UBE2D2: variants seen among roughly 807,000 people sequenced by gnomAD.
UBE2D2 encodes the protein ubiquitin-conjugating enzyme E2 D2.
Under a neutral mutation model 24.2 loss-of-function variants are expected in UBE2D2, and 2 were observed. The ratio of observed to expected loss-of-function variants is 0.08; its 90% CI spans 0.03 to 0.26. UBE2D2 has a LOEUF of 0.26. Among genes scored for constraint, UBE2D2 ranks in the 10% least tolerant of loss-of-function variants. The pLI, the probability that UBE2D2 is intolerant of heterozygous loss-of-function variation, is 1.00. For synonymous variants in UBE2D2, 58 were observed against 56.5 expected (o/e 1.03, Z -0.12); for missense variants, 44 against 177.6 (o/e 0.25, Z 4.28).
chr5:139,596,420 G>C (rs1391024716), intron 1 of UBE2D2, among the ~76,000 whole-genome samples: 1 of 150,972 alleles, frequency 6.6e-6, no homozygotes, highest in Admixed American at 6.6e-5. Context: ...CAGCCTCCCC[G>C]GTAAATGGGA....
chr5:139,548,193 A>AAAAAAAAAAATAAT, intron 1 of UBE2D2, among the ~76,000 whole-genome samples: 1 of 47,104 alleles, frequency 2.1e-5, no homozygotes, highest in Non-Finnish European at 3.8e-5. Context: ...ATAAAAAAAA[A>AAAAAAAAAAATAAT]AAATAAATAA....
At chr5:139,550,678 C>T (rs184495655) in intron 1 of UBE2D2, among the ~76,000 whole-genome samples, 4 of 150,984 alleles carry the variant, frequency 2.6e-5, no homozygotes, top group East Asian at 2.0e-4. Flanking sequence ...TCTGCAGCCT[C>T]AATCCTGAGG....
intron 1 of UBE2D2, among the ~76,000 whole-genome samples, chr5:139,594,487 C>T (rs999517837): frequency 6.6e-6 from 1 of 151,926 alleles, no homozygotes; most frequent in African/African-American, 2.4e-5. Context: ...GATCTCTGCT[C>T]ACTGTGGCCT....
chr5:139,625,204 C>A (rs1754590796), intron 6 of UBE2D2, among the ~76,000 whole-genome samples: 1 of 151,294 alleles, frequency 6.6e-6, no homozygotes. Context: ...ACTGCTAGTA[C>A]ATGCCACTAC....
chr5:139,555,924 CAAAAAAAAAAAAAA>C (rs1168084041), intron 1 of UBE2D2, among the ~76,000 whole-genome samples: 59 of 9,326 alleles, frequency 6.3e-3, no homozygotes, highest in Middle Eastern at 0.038. Context: ...GACTCCATCT[CAAAAAAAAAAAAAA>C]AAAAAAAAAA....
At chr5:139,553,603 C>G (rs2126640785) in intron 1 of UBE2D2, among the ~76,000 whole-genome samples, 1 of 152,176 alleles carries the variant, frequency 6.6e-6, no homozygotes, top group South Asian at 2.1e-4. Context: ...GAAGGTAAAC[C>G]AGGGCCTGTA....
intron 1 of UBE2D2, among the ~76,000 whole-genome samples, chr5:139,579,844 G>A (rs55949001): frequency 6.6e-6 from 1 of 151,970 alleles, no homozygotes; most frequent in Admixed American, 6.6e-5. Flanking sequence ...TCAGGAGTTC[G>A]AGACCAGCCT....
chr5:139,612,012 T>G (rs1754331749), intron 2 of UBE2D2: 1 of 152,432 alleles, frequency 6.6e-6, no homozygotes, highest in Non-Finnish European at 1.5e-5. Flanking sequence ...TTAAGCACAG[T>G]CTCCATGTAA....
At chr5:139,571,635 A>G (rs1753353184) in intron 1 of UBE2D2, among the ~76,000 whole-genome samples, 1 of 152,010 alleles carries the variant, frequency 6.6e-6, no homozygotes, top group Admixed American at 6.6e-5. Context: ...GTGTCTCCAG[A>G]TTTACTTGTT....
At chr5:139,546,481 G>A (rs1191583663) in intron 1 of UBE2D2, among the ~76,000 whole-genome samples, 1 of 151,624 alleles carries the variant, frequency 6.6e-6, no homozygotes, top group South Asian at 2.1e-4. Context: ...ACTGTGCCTG[G>A]CCTAAATTTT....
At chr5:139,565,946 T>C (rs1433944167) in intron 1 of UBE2D2, among the ~76,000 whole-genome samples, 4 of 152,180 alleles carry the variant, frequency 2.6e-5, no homozygotes, top group African/African-American at 9.6e-5. Context: ...TAGTTGCAGA[T>C]AACGTTTGGC....
At chr5:139,535,348 TG>T (rs1170041292) in intron 1 of UBE2D2, among the ~76,000 whole-genome samples, 29 of 146,326 alleles carry the variant, frequency 2.0e-4, no homozygotes, top group Admixed American at 8.2e-4. Context: ...CCCAGCTACA[TG>T]GGAGGCTGAG....
At chr5:139,594,623 A>G (rs1297670188) in intron 1 of UBE2D2, among the ~76,000 whole-genome samples, 2 of 152,142 alleles carry the variant, frequency 1.3e-5, no homozygotes, top group Non-Finnish European at 2.9e-5. Context: ...CATGTTGGCC[A>G]GGCTGGTCTT....
At chr5:139,617,897 T>C (rs1232641391) in intron 5 of UBE2D2, among the ~76,000 whole-genome samples, 1 of 152,208 alleles carries the variant, frequency 6.6e-6, no homozygotes, top group African/African-American at 2.4e-5. Context: ...AAAGGCACAG[T>C]TGTCAAAAGT....
At chr5:139,614,226 T>G (rs956179775) in intron 2 of UBE2D2, among the ~76,000 whole-genome samples, 22 of 151,920 alleles carry the variant, frequency 1.4e-4, no homozygotes, top group East Asian at 5.8e-4. Flanking sequence ...ATACTTTCGG[T>G]TTTTTTTGTT....
chr5:139,556,008 G>A (rs1464799864), intron 1 of UBE2D2, among the ~76,000 whole-genome samples: 2 of 150,736 alleles, frequency 1.3e-5, no homozygotes, highest in Admixed American at 1.3e-4. Flanking sequence ...AGGCTGAGGT[G>A]GGCGGATCAC....
intron 1 of UBE2D2, among the ~76,000 whole-genome samples, chr5:139,528,346 A>G (rs1301386440): frequency 6.6e-6 from 1 of 152,126 alleles, no homozygotes; most frequent in Non-Finnish European, 1.5e-5. Flanking sequence ...AAAAAAAAAA[A>G]GAAAAAAGAA....
chr5:139,595,481 C>T (rs922931060), intron 1 of UBE2D2, among the ~76,000 whole-genome samples: 4 of 151,926 alleles, frequency 2.6e-5, no homozygotes, highest in African/African-American at 9.7e-5. Context: ...TGGGTTCAAG[C>T]GATTCTCCTG....
intron 2 of UBE2D2, among the ~76,000 whole-genome samples, chr5:139,602,951 A>G (rs1754115781): frequency 6.6e-6 from 1 of 152,198 alleles, no homozygotes; most frequent in Non-Finnish European, 1.5e-5. Flanking sequence ...GCTGTTACAC[A>G]CGTTGTCTCA....
Sources: allele counts gnomAD v4.1 joint callset (sites outside exome capture counted in the v4.1 genomes callset), GRCh38; gene constraint gnomAD v4.1.1; transcripts MANE v1.5; gene names NCBI Gene and HGNC (gene_info 2026-07-23, HGNC 2026-07-21).